The following TTI1 variants were observed in gnomAD, a reference collection of about 807,000 sequenced individuals.
TTI1 encodes TELO2-interacting protein 1 homolog.
In TTI1, 52 loss-of-function variants were observed where a neutral mutation model predicts 85.4. The observed-to-expected ratio is 0.61, with a 90% confidence interval of 0.49 to 0.77. The LOEUF (loss-of-function observed/expected upper bound fraction) is 0.77. TTI1 is among the 30% of genes least tolerant of loss of function. The probability of loss-of-function intolerance (pLI) is 0.00; values close to 1 mark genes in which losing one functional copy is unlikely to be tolerated. For missense variants in TTI1, 1,173 were observed against 1,296.0 expected, an observed-to-expected ratio of 0.91 and a Z score of 1.46; for synonymous variants, 512 against 503.9, an observed-to-expected ratio of 1.02 and a Z score of -0.22.
chr20:37,999,836 G>A (rs561180489), intron 4 of TTI1, among the ~76,000 whole-genome samples: 5 of 152,284 alleles, frequency 3.3e-5, no homozygotes, highest in African/African-American at 7.2e-5. Context: ...GAGGTAAAAC[G>A]GGGCCCAACT....
rs2073816378 is a variant in TTI1 at position 38,024,881 on chromosome 20, T to A, written c.-42+8523A>T. Among the ~76,000 whole-genome samples the A allele has an allele frequency of 3.3e-5, 5 of 152,084 alleles. No individual in the cohort carries two copies. The South Asian group carries it at 1.0e-3, about 32-fold the overall frequency. On this transcript the variant is annotated intron_variant, in intron 1 of 7. Coordinates refer to ENST00000373447, the MANE Select transcript of TTI1 (RefSeq NM_001303457.2). ...TCTACTTGGCAGTAATGAGGTAGCA[T>A]CACAGGACACCTAGTCAGGACTTTC...
Position 38,029,547 on chromosome 20 carries a change from T to C in TTI1, c.-42+3857A>G, listed in dbSNP as rs114902247. On this transcript the variant is annotated intron_variant, in intron 1 of 7. Transcript: ENST00000373447. ...TAAAATTGACAAACTTCTAGCAAGA[T>C]TGACAAGGGAGTGAGTGAGCAAGAG... 2.2e-3 allele frequency among the ~76,000 whole-genome samples: 333 copies of C among 149,960 alleles called. 2 individuals carry two copies. Among genetic ancestry groups the C allele is most frequent in the African/African-American group, 8.1e-3 (325 of 40,118 alleles).
intron 1 of TTI1, among the ~76,000 whole-genome samples, chr20:38,030,476 G>A (rs1377151994): frequency 6.6e-6 from 1 of 151,076 alleles, no homozygotes; most frequent in South Asian, 2.1e-4. Flanking sequence ...TCTCTCATGA[G>A]TATAGATGCA....
At chr20:38,019,314 T>C (rs751572099) in intron 1 of TTI1, among the ~76,000 whole-genome samples, 1 of 151,994 alleles carries the variant, frequency 6.6e-6, no homozygotes, top group Admixed American at 6.6e-5. Context: ...TAGGTAAATA[T>C]AAAAAAATTA....
chr20:38,012,510 A>AG lies in TTI1; in HGVS notation c.1306dup (p.Leu436ProfsTer7). The AG allele has an allele frequency of 6.2e-7, 1 of 1,614,248 alleles. No homozygotes were observed. The highest frequency in any genetic ancestry group is 8.5e-7 in the Non-Finnish European group (1 of 1,180,050). The stretch of plus-strand genomic sequence containing the variant: ...CTTGATGTCAGCCACGTCTAGCTCT[A>AG]GAACTTGGATGAGTGCTTTGGAAAG... On this transcript the variant is annotated frameshift_variant, in exon 2 of 8. Transcript: ENST00000373447. LOFTEE classifies it high-confidence loss of function.
At chr20:38,015,518 T>C (rs994737209) in intron 1 of TTI1, among the ~76,000 whole-genome samples, 4 of 151,724 alleles carry the variant, frequency 2.6e-5, no homozygotes, top group African/African-American at 9.7e-5. Flanking sequence ...GATCAAGAAG[T>C]AGGAAAGAAA....
chr20:37,986,154 T>C (rs540967649), intron 7 of TTI1, among the ~76,000 whole-genome samples: 1 of 152,336 alleles, frequency 6.6e-6, no homozygotes, highest in African/African-American at 2.4e-5. Flanking sequence ...CATTTGATTT[T>C]TTCCCCTTTC....
In TTI1 at chr20:38,002,800, G is replaced by T. The variant is rs183477834; in HGVS notation, c.2504-24C>A. ...CTCTGGAAAAAGAGCACAACTGGGGGCAGTGTTGTATGAGTGATAAAACAG... is the reference window on the plus strand; with the variant it reads ...CTCTGGAAAAAGAGCACAACTGGGGTCAGTGTTGTATGAGTGATAAAACAG... On this transcript the variant is annotated intron_variant, in intron 3 of 7. Transcript: ENST00000373447. 18 of 1,611,906 alleles carry T rather than the reference G, an allele frequency of 1.1e-5. No individual in the cohort carries two copies. The African/African-American group carries it at 1.6e-4, about 14-fold the overall frequency.
chr20:37,993,112 C>CTTTT (rs756506163), intron 7 of TTI1, among the ~76,000 whole-genome samples: 2 of 125,334 alleles, frequency 1.6e-5, no homozygotes, highest in South Asian at 2.6e-4. Context: ...GGGGAGCTGG[C>CTTTT]TTTTTTTTTT....
intron 7 of TTI1, among the ~76,000 whole-genome samples, chr20:37,990,262 G>A (rs1003088470): frequency 5.3e-5 from 8 of 151,984 alleles, no homozygotes; most frequent in Non-Finnish European, 7.4e-5. Context: ...AGTCATTTTC[G>A]GAATAAGAAG....
chr20:38,015,294 G>C (rs2073666546), intron 1 of TTI1, among the ~76,000 whole-genome samples: 1 of 152,182 alleles, frequency 6.6e-6, no homozygotes, highest in Non-Finnish European at 1.5e-5. Context: ...TCGTCACTGT[G>C]AGGCTTCGTT....
At chr20:38,024,591 G>A (rs2073812535) in intron 1 of TTI1, among the ~76,000 whole-genome samples, 2 of 152,152 alleles carry the variant, frequency 1.3e-5, no homozygotes, top group South Asian at 2.1e-4. Flanking sequence ...CAAAGGAGTA[G>A]GGGAATGGGC....
At chr20:38,023,473 T>C (rs1256235666) in intron 1 of TTI1, among the ~76,000 whole-genome samples, 1 of 152,226 alleles carries the variant, frequency 6.6e-6, no homozygotes, top group East Asian at 1.9e-4. Context: ...TTGCACTGTA[T>C]ATATTCTCTA....
Position 38,013,182 on chromosome 20 carries a change from C to G in TTI1, c.635G>C (p.Gly212Ala), listed in dbSNP as rs1315715498. Residue 212 changes from glycine to alanine, a missense_variant, in exon 2 of 8, where the codon GGA (glycine) becomes GCA (alanine). Coordinates refer to ENST00000373447, the MANE Select transcript of TTI1 (RefSeq NM_001303457.2). Reference protein sequence around the residue: ...LGDLFASFLPGISTALTRLIT... With the variant: ...LGDLFASFLPAISTALTRLIT... The stretch of plus-strand genomic sequence containing the variant: ...AAGCCTGGTCAGTGCAGTTGAGATT[C>G]CAGGTAAAAAAGAGGCAAACAAATC... 6.2e-7 allele frequency: 1 copy of G among 1,613,960 alleles called. No homozygotes were observed. The highest frequency in any genetic ancestry group is 1.3e-5 in the African/African-American group (1 of 74,904).
chr20:37,992,835 T>C (rs1001599911), intron 7 of TTI1, among the ~76,000 whole-genome samples: 1 of 152,174 alleles, frequency 6.6e-6, no homozygotes, highest in Admixed American at 6.5e-5. Context: ...AGGCAAAAGC[T>C]ACCTGGACAG....
At chr20:38,005,751 T>C (rs2073486902) in intron 3 of TTI1, 1 of 150,878 alleles carries the variant, frequency 6.6e-6, no homozygotes, top group African/African-American at 2.5e-5. Context: ...GACCCAGAAA[T>C]CCTACTTCTG....
At chr20:37,994,012 C>T (rs1180746315) in intron 7 of TTI1, among the ~76,000 whole-genome samples, 1 of 152,012 alleles carries the variant, frequency 6.6e-6, no homozygotes, top group African/African-American at 2.4e-5. Flanking sequence ...GTGAGGTAGG[C>T]GGGCTTTACT....
rs565271184 is a variant in TTI1 at position 37,983,234 on chromosome 20, A to G, written c.*222T>C. The G allele has an allele frequency of 2.6e-4, 129 of 499,916 alleles. 1 individual carries two copies. The East Asian group carries it at 5.2e-3, about 20-fold the overall frequency. The allele number at this position is 499,916 out of a possible 1,614,324, so 31.0% of individuals were successfully genotyped here. A position where few individuals can be genotyped will look rare whatever the true frequency, so the allele number is the denominator to read the frequency against. ...GTTAAACCCTTAGAGCCACCAGACA[A>G]TGTCACTTGACAACACAAGGTATGA... On this transcript the variant is annotated 3_prime_UTR_variant, in exon 8 of 8. Coordinates refer to ENST00000373447, the MANE Select transcript of TTI1 (RefSeq NM_001303457.2).
chr20:38,017,435 T>TGTGTGTGC (rs879610985), intron 1 of TTI1, among the ~76,000 whole-genome samples: 3,067 of 146,140 alleles, frequency 0.021, 39 homozygotes, highest in Non-Finnish European at 0.029. Context: ...TGTGTGTGTG[T>TGTGTGTGC]GCGCGCGCGC....
Sources: allele counts gnomAD v4.1 joint callset (sites outside exome capture counted in the v4.1 genomes callset), GRCh38; gene constraint gnomAD v4.1.1; transcripts MANE v1.5; gene names NCBI Gene and HGNC (gene_info 2026-07-23, HGNC 2026-07-21).